ZNF423: variants seen among roughly 807,000 people sequenced by gnomAD.
ZNF423 encodes Ebf-associated zinc finger protein.
ZNF423 carries 12 observed loss-of-function variants against 95.8 expected under a neutral mutation model. The ratio of observed to expected loss-of-function variants is 0.13; its 90% CI spans 0.08 to 0.20. The LOEUF is 0.20. Among genes scored for constraint, ZNF423 ranks in the 10% least tolerant of loss-of-function variants. The probability of loss-of-function intolerance (pLI) is 1.00; values close to 1 mark genes in which losing one functional copy is unlikely to be tolerated. For missense variants in ZNF423, 1,316 were observed against 1,737.1 expected, an observed-to-expected ratio of 0.76 and a Z score of 4.31; for synonymous variants, 749 against 711.9, an observed-to-expected ratio of 1.05 and a Z score of -0.83.
chr16:49,795,642 C>A (rs1251783239), intron 1 of ZNF423, among the ~76,000 whole-genome samples: 1 of 152,218 alleles, frequency 6.6e-6, no homozygotes, highest in Non-Finnish European at 1.5e-5. Context: ...TAAAACACTT[C>A]ACCGGACAGG....
At chr16:49,633,649 A>G (rs1972579792) in intron 4 of ZNF423, among the ~76,000 whole-genome samples, 1 of 152,166 alleles carries the variant, frequency 6.6e-6, no homozygotes, top group Non-Finnish European at 1.5e-5. Context: ...CAAGGCCAAA[A>G]CATTCCCTGA....
intron 7 of ZNF423, among the ~76,000 whole-genome samples, chr16:49,501,990 C>T (rs1212588460): frequency 6.6e-6 from 1 of 152,162 alleles, no homozygotes; most frequent in Non-Finnish European, 1.5e-5. Flanking sequence ...ATGCAATATA[C>T]CCATGTAATT....
chr16:49,812,414 C>T (rs2034767624), intron 1 of ZNF423, among the ~76,000 whole-genome samples: 1 of 152,188 alleles, frequency 6.6e-6, no homozygotes, highest in African/African-American at 2.4e-5. Flanking sequence ...GATAAGGGGG[C>T]TGGGCATGGT....
At chr16:49,677,267 A>AGAAGAGAAGAGAAGGGAAGGGAAGG (rs2031110200) in intron 3 of ZNF423, among the ~76,000 whole-genome samples, 2 of 62,656 alleles carry the variant, frequency 3.2e-5, no homozygotes, top group Non-Finnish European at 6.5e-5. Context: ...AGAAGAGAAG[A>AGAAGAGAAGAGAAGGGAAGGGAAGG]GAAGAGAAGA....
intron 1 of ZNF423, among the ~76,000 whole-genome samples, chr16:49,852,943 AG>A (rs1306525621): frequency 3.3e-5 from 5 of 152,224 alleles, no homozygotes; most frequent in African/African-American, 1.2e-4. Flanking sequence ...TTTTCAAAGC[AG>A]CAATGCCTGT....
intron 1 of ZNF423, among the ~76,000 whole-genome samples, chr16:49,838,921 C>T (rs866636629): frequency 7.9e-5 from 12 of 151,962 alleles, no homozygotes; most frequent in Admixed American, 2.6e-4. Context: ...GTCCCGGGGC[C>T]GCCCCCGCGG....
At chr16:49,639,503 A>T (rs1276920333) in intron 3 of ZNF423, among the ~76,000 whole-genome samples, 1 of 152,154 alleles carries the variant, frequency 6.6e-6, no homozygotes, top group Non-Finnish European at 1.5e-5. Context: ...GAGACAGCAG[A>T]CTTCAGTGCT....
At chr16:49,534,676 A>G (rs1968995047) in intron 5 of ZNF423, among the ~76,000 whole-genome samples, 1 of 152,192 alleles carries the variant, frequency 6.6e-6, no homozygotes, top group South Asian at 2.1e-4. Context: ...TTCAGGGCAT[A>G]TGGCCAGCCA....
intron 2 of ZNF423, among the ~76,000 whole-genome samples, chr16:49,760,915 AACACACACAC>A: frequency 6.7e-6 from 1 of 148,290 alleles, no homozygotes; most frequent in African/African-American, 2.5e-5. Flanking sequence ...ACCTCCCTCC[AACACACACAC>A]ACACACACAC....
intron 4 of ZNF423, among the ~76,000 whole-genome samples, chr16:49,633,891 C>G (rs1972589264): frequency 6.6e-6 from 1 of 151,972 alleles, no homozygotes; most frequent in African/African-American, 2.4e-5. Flanking sequence ...AGCTCTGTTT[C>G]TTTTTCTTCC....
At chr16:49,548,264 C>T (rs1303891592) in intron 5 of ZNF423, among the ~76,000 whole-genome samples, 2 of 152,160 alleles carry the variant, frequency 1.3e-5, no homozygotes, top group Non-Finnish European at 2.9e-5. Context: ...TAAAATTTAT[C>T]AACATTATTA....
chr16:49,555,398 T>C (rs1315529347), intron 5 of ZNF423, among the ~76,000 whole-genome samples: 2 of 152,252 alleles, frequency 1.3e-5, no homozygotes, highest in East Asian at 1.9e-4. Flanking sequence ...TGCCAGGCAC[T>C]GTGCTAAGCA....
intron 1 of ZNF423, chr16:49,854,306 G>C (rs956605929): frequency 2.1e-5 from 21 of 985,382 alleles, no homozygotes; most frequent in Non-Finnish European, 2.3e-5. Flanking sequence ...CTAATATGAC[G>C]GGGAGGATCT....
chr16:49,755,295 C>T (rs185621624), intron 2 of ZNF423, among the ~76,000 whole-genome samples: 4 of 152,302 alleles, frequency 2.6e-5, no homozygotes, highest in South Asian at 4.2e-4. Context: ...GGTCATTAAC[C>T]GAGCCCACCA....
chr16:49,559,482 T>C (rs746157), intron 5 of ZNF423, among the ~76,000 whole-genome samples: 22,949 of 152,116 alleles, frequency 0.15, 1,842 homozygotes, highest in Admixed American at 0.18. Flanking sequence ...CCTCCAACTC[T>C]CTCCTGCTGC....
chr16:49,813,100 G>T (rs753918264), intron 1 of ZNF423, among the ~76,000 whole-genome samples: 3 of 151,976 alleles, frequency 2.0e-5, no homozygotes, highest in African/African-American at 7.3e-5. Flanking sequence ...CCTACTAGGC[G>T]GTGGGGCTTT....
intron 3 of ZNF423, among the ~76,000 whole-genome samples, chr16:49,727,436 C>CA (rs1220263985): frequency 6.6e-6 from 1 of 150,680 alleles, no homozygotes; most frequent in Non-Finnish European, 1.5e-5. Context: ...CAAACCTCAC[C>CA]ACAGCACTGT....
intron 1 of ZNF423, among the ~76,000 whole-genome samples, chr16:49,800,601 C>T (rs1416444733): frequency 6.6e-6 from 1 of 151,290 alleles, no homozygotes. Flanking sequence ...CACACACACT[C>T]CTGCGCACAC....
chr16:49,832,092 C>T (rs1567363973), intron 1 of ZNF423, among the ~76,000 whole-genome samples: 1 of 152,072 alleles, frequency 6.6e-6, no homozygotes, highest in Non-Finnish European at 1.5e-5. Context: ...CACCAAATAT[C>T]CGAGGGCCCT....
Sources: gnomAD v4.1 joint callset for allele counts (sites outside exome capture counted in the v4.1 genomes callset) on GRCh38, gnomAD v4.1.1 for gene constraint, MANE v1.5 for transcripts, NCBI Gene and HGNC (gene_info 2026-07-23, HGNC 2026-07-21) for gene names.